Variants in PHKB observed in about 807,000 individuals in gnomAD.
PHKB encodes phosphorylase kinase regulatory subunit beta.
A neutral mutation model predicts 152.1 loss-of-function variants in PHKB; 122 were observed. That is an observed-to-expected ratio of 0.80 (90% CI 0.69 to 0.93). PHKB has a LOEUF of 0.93. Among genes scored for constraint, PHKB ranks in the 40% least tolerant of loss-of-function variants. PHKB has a pLI of 0.00. For missense variants in PHKB, 1,304 were observed against 1,328.4 expected, an observed-to-expected ratio of 0.98 and a Z score of 0.29; for synonymous variants, 436 against 464.9, an observed-to-expected ratio of 0.94 and a Z score of 0.80.
At chr16:47,476,463 T>TA (rs372695734) in intron 1 of PHKB, among the ~76,000 whole-genome samples, 7 of 152,182 alleles carry the variant, frequency 4.6e-5, no homozygotes, top group African/African-American at 1.7e-4. Context: ...GTAGCTTTGA[T>TA]AATAATCATT....
intron 4 of PHKB, among the ~76,000 whole-genome samples, chr16:47,509,589 T>G (rs1455048828): frequency 6.6e-6 from 1 of 152,224 alleles, no homozygotes; most frequent in Non-Finnish European, 1.5e-5. Context: ...TCATGAAATG[T>G]GGCCATTGTG....
At chr16:47,652,643 T>C (rs974826010) in intron 20 of PHKB, among the ~76,000 whole-genome samples, 2 of 151,966 alleles carry the variant, frequency 1.3e-5, no homozygotes, top group African/African-American at 4.8e-5. Flanking sequence ...TGTTGTTGTT[T>C]ATTTCTTTTG....
At chr16:47,659,998 G>C (rs1029075614) in intron 20 of PHKB, among the ~76,000 whole-genome samples, 2 of 152,064 alleles carry the variant, frequency 1.3e-5, no homozygotes, top group Non-Finnish European at 2.9e-5. Context: ...CGAGTAGCTG[G>C]GACTACAGGC....
intron 16 of PHKB, among the ~76,000 whole-genome samples, chr16:47,646,273 C>A (rs1241645195): frequency 1.3e-5 from 1 of 78,068 alleles, no homozygotes; most frequent in Non-Finnish European, 2.4e-5. Flanking sequence ...AGTAAACTAT[C>A]GCAAGAACAG....
At chr16:47,500,444 G>C (rs1412065165) in intron 3 of PHKB, among the ~76,000 whole-genome samples, 1 of 152,102 alleles carries the variant, frequency 6.6e-6, no homozygotes, top group Non-Finnish European at 1.5e-5. Context: ...TTTAGTCATT[G>C]GTAGAATGAA....
chr16:47,691,933 A>G (rs1018670272), intron 27 of PHKB, among the ~76,000 whole-genome samples: 4 of 152,182 alleles, frequency 2.6e-5, no homozygotes, highest in Non-Finnish European at 4.4e-5. Flanking sequence ...ACTTCATATA[A>G]CTCCAAAAAC....
intron 12 of PHKB, among the ~76,000 whole-genome samples, chr16:47,594,817 C>T (rs1972090362): frequency 6.6e-6 from 1 of 152,092 alleles, no homozygotes; most frequent in Admixed American, 6.6e-5. Context: ...ACTGGAAAAC[C>T]AATTTTCAAA....
intron 6 of PHKB, among the ~76,000 whole-genome samples, chr16:47,520,672 C>T (rs541670070): frequency 6.6e-6 from 1 of 152,170 alleles, no homozygotes; most frequent in Non-Finnish European, 1.5e-5. Context: ...TGCATCCTTG[C>T]ATGGATTATA....
intron 27 of PHKB, among the ~76,000 whole-genome samples, chr16:47,692,557 A>T (rs1408864857): frequency 6.6e-6 from 1 of 152,122 alleles, no homozygotes; most frequent in Non-Finnish European, 1.5e-5. Flanking sequence ...TAGAGGTTGC[A>T]GTGAGCTATG....
In PHKB at chr16:47,464,612, A is replaced by G. The variant is rs563677888; in HGVS notation, c.76+3186A>G. ...TTCAGACGTGTGCACAGGATTTTGG[A>G]AACAATTTCTGGGTGATTCATGGAC... On this transcript the variant is annotated intron_variant, in intron 1 of 30. Transcript: ENST00000323584. Among the ~76,000 whole-genome samples, 3 of 152,284 alleles carry G rather than the reference A, an allele frequency of 2.0e-5. No homozygotes were observed. The South Asian group carries it at 6.2e-4, about 32-fold the overall frequency.
chr16:47,654,641 T>C (rs1186433200), intron 20 of PHKB, among the ~76,000 whole-genome samples: 1 of 152,150 alleles, frequency 6.6e-6, no homozygotes, highest in Non-Finnish European at 1.5e-5. Flanking sequence ...GATGAGTTCA[T>C]GTCCTTTGTA....
chr16:47,615,044 T>C (rs1209510825), intron 14 of PHKB, among the ~76,000 whole-genome samples: 1 of 152,228 alleles, frequency 6.6e-6, no homozygotes, highest in East Asian at 1.9e-4. Context: ...CTAAGAAATA[T>C]TGTGCCACTT....
At chr16:47,673,657 A>C (rs548328924) in intron 26 of PHKB, among the ~76,000 whole-genome samples, 1 of 152,196 alleles carries the variant, frequency 6.6e-6, no homozygotes, top group Non-Finnish European at 1.5e-5. Flanking sequence ...AGAGGAGACA[A>C]GTTTAAATAA....
intron 6 of PHKB, among the ~76,000 whole-genome samples, chr16:47,518,923 A>G (rs1307290765): frequency 2.0e-5 from 3 of 152,232 alleles, no homozygotes; most frequent in Admixed American, 1.3e-4. Flanking sequence ...CTAAAAGTAG[A>G]TTCATAGAAA....
chr16:47,573,050 C>T (rs917894794), intron 7 of PHKB, among the ~76,000 whole-genome samples: 10 of 152,114 alleles, frequency 6.6e-5, no homozygotes, highest in African/African-American at 2.2e-4. Context: ...TGCTCAAGTA[C>T]CTTCAACCCT....
chr16:47,526,276 G>A (rs1012741032), intron 6 of PHKB, among the ~76,000 whole-genome samples: 2 of 152,114 alleles, frequency 1.3e-5, no homozygotes, highest in African/African-American at 4.8e-5. Flanking sequence ...GGGCATGGTG[G>A]CGGGCACCTG....
rs572498699 is a variant in PHKB, at chr16:47,503,855, A to G, written c.405+765A>G. Among the ~76,000 whole-genome samples, 4 of 152,266 alleles carry G rather than the reference A, an allele frequency of 2.6e-5. No individual in the cohort carries two copies. The East Asian group carries it at 7.7e-4, about 29-fold the overall frequency. The stretch of plus-strand genomic sequence containing the variant: ...AAAACAAAAAGAAAAAAAAGAAAAC[A>G]GCTTTACAGCGTTATGTGGAAATTA... On this transcript the variant is annotated intron_variant, in intron 4 of 30. Transcript: ENST00000323584.
chr16:47,665,664 T>G, intron 25 of PHKB: 1 of 505,200 alleles, frequency 2.0e-6, no homozygotes, highest in Non-Finnish European at 3.6e-6. Context: ...AATAATTAGG[T>G]TTTCTTTTTT....
intron 26 of PHKB, among the ~76,000 whole-genome samples, chr16:47,681,795 G>T (rs1973862825): frequency 6.6e-6 from 1 of 152,154 alleles, no homozygotes; most frequent in South Asian, 2.1e-4. Flanking sequence ...TGTTATTTGT[G>T]TATTTGGTTC....
Sources: gnomAD v4.1 joint callset for allele counts (sites outside exome capture counted in the v4.1 genomes callset) on GRCh38, gnomAD v4.1.1 for gene constraint, MANE v1.5 for transcripts, NCBI Gene and HGNC (gene_info 2026-07-23, HGNC 2026-07-21) for gene names.